The following CRACD variants were observed in gnomAD, a reference collection of about 807,000 sequenced individuals.
CRACD encodes capping protein-inhibiting regulator of actin dynamics.
CRACD carries 56 observed loss-of-function variants against 106.8 expected under a neutral mutation model. The ratio of observed to expected loss-of-function variants is 0.52; its 90% CI spans 0.42 to 0.66. CRACD has a LOEUF of 0.66. Ranked by LOEUF, CRACD falls within the 30% of genes least tolerant of loss-of-function variation. The pLI, the probability that CRACD is intolerant of heterozygous loss-of-function variation, is 0.00. For synonymous variants in CRACD, 754 were observed against 670.8 expected (o/e 1.12, Z -1.92); for missense variants, 1,730 against 1,623.2 (o/e 1.07, Z -1.13).
chr4:56,052,036 G>A (rs1212587924), intron 1 of CRACD, among the ~76,000 whole-genome samples: 1 of 152,104 alleles, frequency 6.6e-6, no homozygotes, highest in East Asian at 1.9e-4. Context: ...TTAATGTAAA[G>A]CAATGGCTTT....
At chr4:56,137,659 A>C (rs1422683436) in intron 1 of CRACD, among the ~76,000 whole-genome samples, 1 of 152,252 alleles carries the variant, frequency 6.6e-6, no homozygotes, top group Non-Finnish European at 1.5e-5. Context: ...TTTTTAAAGA[A>C]TGAAAAATGT....
intron 4 of CRACD, among the ~76,000 whole-genome samples, chr4:56,302,595 C>T (rs940016144): frequency 1.3e-5 from 2 of 152,314 alleles, no homozygotes; most frequent in Admixed American, 6.5e-5. Flanking sequence ...AATAAACACC[C>T]GCTCTTAGCC....
At chr4:56,293,022 G>T (rs952657375) in intron 3 of CRACD, among the ~76,000 whole-genome samples, 1 of 152,106 alleles carries the variant, frequency 6.6e-6, no homozygotes, top group African/African-American at 2.4e-5. Context: ...TTTCAGCAGA[G>T]AACTTAAATT....
chr4:56,244,286 G>A (rs548214575), intron 2 of CRACD, among the ~76,000 whole-genome samples: 79 of 152,084 alleles, frequency 5.2e-4, no homozygotes, highest in Non-Finnish European at 9.1e-4. Context: ...GGGCCTGGAA[G>A]GGGGTTCATA....
chr4:56,267,286 A>G (rs542860054), intron 2 of CRACD, among the ~76,000 whole-genome samples: 2 of 152,056 alleles, frequency 1.3e-5, no homozygotes, highest in East Asian at 3.9e-4. Context: ...ACGCCCAGCT[A>G]ATTTTTTTTG....
chr4:56,273,081 A>C (rs1226786370), intron 3 of CRACD, among the ~76,000 whole-genome samples: 6 of 152,076 alleles, frequency 3.9e-5, no homozygotes, highest in Admixed American at 3.9e-4. Context: ...GCAACATTTC[A>C]CTGGCTTGGC....
chr4:56,273,123 T>C (rs1409437912), intron 3 of CRACD, among the ~76,000 whole-genome samples: 2 of 152,116 alleles, frequency 1.3e-5, no homozygotes, highest in Non-Finnish European at 2.9e-5. Context: ...AAGAAGACTG[T>C]GTTTCCTTAT....
At position 56,250,082 on chromosome 4, in the gene CRACD, T is replaced by G. The variant is rs145015581; in HGVS notation, c.-188-22239T>G. 1.6e-3 allele frequency among the ~76,000 whole-genome samples: 238 copies of G among 152,282 alleles called. 2 individuals are homozygous for G. Among genetic ancestry groups the G allele is most frequent in the African/African-American group, 5.1e-3 (210 of 41,568 alleles). Reference sequence around the variant, plus strand: ...TAAAATATCTAAAGGTCTTTAACTTTCCTTCTCATTATGTACTTCCTAATA... The same window carrying G: ...TAAAATATCTAAAGGTCTTTAACTTGCCTTCTCATTATGTACTTCCTAATA... On this transcript the variant is annotated intron_variant, in intron 2 of 10. Coordinates refer to ENST00000682029, the MANE Select transcript of CRACD (RefSeq NM_001393381.1).
At position 56,134,431 on chromosome 4, in the gene CRACD, G is replaced by A. The variant is rs557701911; in HGVS notation, c.-335-44853G>A. The stretch of plus-strand genomic sequence containing the variant: ...GCCTGTAACATTCCTGCCCTCCCCC[G>A]CAATTTCATGTGTCTACACCATTGG... On this transcript the variant is annotated intron_variant, in intron 1 of 10. Transcript: ENST00000682029. Among the ~76,000 whole-genome samples, 23 of 152,154 alleles carry A rather than the reference G, an allele frequency of 1.5e-4. No homozygotes were observed. In the South Asian group the frequency reaches 2.3e-3, roughly 15 times the overall value.
At chr4:56,151,514 G>C (rs1314207222) in intron 1 of CRACD, among the ~76,000 whole-genome samples, 5 of 151,574 alleles carry the variant, frequency 3.3e-5, no homozygotes, top group Admixed American at 2.0e-4. Flanking sequence ...TCTTAGAATA[G>C]TTTGTGTTTT....
chr4:56,308,904 G>A, intron 5 of CRACD: 1 of 1,288,934 alleles, frequency 7.8e-7, no homozygotes, highest in South Asian at 1.2e-5. Flanking sequence ...CTGTGGCCTG[G>A]GGGATTGTTT....
At chr4:56,282,506 A>C (rs185734796) in intron 3 of CRACD, among the ~76,000 whole-genome samples, 83 of 152,340 alleles carry the variant, frequency 5.4e-4, no homozygotes, top group Admixed American at 4.4e-3. Context: ...GTTTTAACAG[A>C]AATCAGAACT....
intron 2 of CRACD, among the ~76,000 whole-genome samples, chr4:56,261,915 T>C (rs1375736488): frequency 6.6e-6 from 1 of 152,122 alleles, no homozygotes; most frequent in Non-Finnish European, 1.5e-5. Context: ...AAGCCATATA[T>C]GCATTGCTAA....
chr4:56,262,119 T>G (rs1385796147), intron 2 of CRACD, among the ~76,000 whole-genome samples: 2 of 152,192 alleles, frequency 1.3e-5, no homozygotes, highest in Non-Finnish European at 2.9e-5. Context: ...ACAATAAATA[T>G]GACACTTTGC....
chr4:56,251,248 C>T (rs1741039324), intron 2 of CRACD, among the ~76,000 whole-genome samples: 1 of 152,146 alleles, frequency 6.6e-6, no homozygotes, highest in Non-Finnish European at 1.5e-5. Context: ...GGCTGAGAGT[C>T]GAGAGGCCTG....
intron 2 of CRACD, among the ~76,000 whole-genome samples, chr4:56,264,065 G>T (rs28373585): frequency 1.9e-4 from 29 of 152,096 alleles, no homozygotes; most frequent in African/African-American, 6.5e-4. Context: ...AAGGCAAAGG[G>T]GAAGCAGGCA....
intron 3 of CRACD, among the ~76,000 whole-genome samples, chr4:56,290,144 T>C (rs780783080): frequency 1.3e-5 from 2 of 152,202 alleles, no homozygotes; most frequent in Non-Finnish European, 2.9e-5. Context: ...CAGAGAAATA[T>C]TGGCAGGCAG....
At chr4:56,268,783 C>A (rs1742181773) in intron 2 of CRACD, among the ~76,000 whole-genome samples, 1 of 152,166 alleles carries the variant, frequency 6.6e-6, no homozygotes, top group Non-Finnish European at 1.5e-5. Context: ...AAAAAATCAA[C>A]CTTTGTAAGG....
chr4:56,154,662 C>T (rs1735708940), intron 1 of CRACD, among the ~76,000 whole-genome samples: 1 of 152,152 alleles, frequency 6.6e-6, no homozygotes, highest in Admixed American at 6.5e-5. Context: ...GGACATTTAG[C>T]TCACAAGAGT....
Sources: gnomAD v4.1 joint callset for allele counts (sites outside exome capture counted in the v4.1 genomes callset) on GRCh38, gnomAD v4.1.1 for gene constraint, MANE v1.5 for transcripts, NCBI Gene and HGNC (gene_info 2026-07-23, HGNC 2026-07-21) for gene names.